TRPV1: variants seen among roughly 807,000 people sequenced by gnomAD.
The protein encoded by TRPV1 is transient receptor potential cation channel subfamily V member 1.
Under a neutral mutation model 82.3 loss-of-function variants are expected in TRPV1, and 82 were observed. That is an observed-to-expected ratio of 1.00 (90% CI 0.83 to 1.20). The LOEUF (loss-of-function observed/expected upper bound fraction) is 1.20. TRPV1 is among the 50% of genes most tolerant of loss of function. The pLI is 0.00. For missense variants in TRPV1, 1,067 were observed against 1,096.8 expected, an observed-to-expected ratio of 0.97 and a Z score of 0.38; for synonymous variants, 515 against 467.7, an observed-to-expected ratio of 1.10 and a Z score of -1.30.
chr17:3,571,673 T>C, intron 15 of TRPV1, 34 bp from the exon 16 acceptor site: 1 of 1,535,726 alleles, frequency 6.5e-7, no homozygotes, highest in Non-Finnish European at 8.9e-7. Flanking sequence ...GCCTGAGAGC[T>C]GTGCCCAGCT....
intron 16 of TRPV1, among the ~76,000 whole-genome samples, chr17:3,569,906 GCC>G (rs2074824924): frequency 2.2e-5 from 3 of 134,714 alleles, no homozygotes; most frequent in Non-Finnish European, 3.2e-5. Context: ...GGGGTTAGGG[GCC>G]AGGGGCCAAG....
intron 2 of TRPV1, among the ~76,000 whole-genome samples, chr17:3,603,240 C>T (rs964509715): frequency 2.0e-5 from 3 of 152,176 alleles, no homozygotes; most frequent in Non-Finnish European, 2.9e-5. Context: ...TGGAGGGCAG[C>T]GGTCTGCGAG....
intron 16 of TRPV1, 107 bp from the exon 17 acceptor site, chr17:3,567,094 A>G: frequency 7.8e-7 from 1 of 1,288,798 alleles, no homozygotes. Context: ...ACGATGGCTC[A>G]TGCCTGTAAT....
At position 3,572,179 on chromosome 17, in the gene TRPV1, T is replaced by A; in HGVS notation, c.2174A>T (p.Lys725Met). 6.2e-7 allele frequency: 1 copy of A among 1,613,490 alleles called. No homozygotes were observed. Among genetic ancestry groups the A allele is most frequent in the Non-Finnish European group, 8.5e-7 (1 of 1,179,686 alleles). Residue 725 changes from lysine (K) to methionine (M), a missense_variant, in exon 15 of 17, where the codon AAG (lysine) becomes ATG (methionine). By Grantham distance (95) the Lys-to-Met change is moderately conservative. Transcript: ENST00000572705. ...KCMRKAFRSG[K>M]LLQVGYTPDG... ...AGGTGTGTACCCCACCTGCAGCAGC[T>A]TGCCTGAGCGGAAGGCCTTCCTCAT... is the stretch of plus-strand genomic sequence containing the variant.
In TRPV1 at chr17:3,585,980, C is replaced by T. The variant is rs543862451; in HGVS notation, c.1225-54G>A. ...CCTCCTGCAGCAGGAACTCCTCGCA[C>T]GCCCACACCAGCCCGTGGTGCCCCT... On this transcript the variant is annotated intron_variant, in intron 8 of 16. Transcript: ENST00000572705. 60 of 1,603,466 alleles carry T rather than the reference C, an allele frequency of 3.7e-5. No homozygotes were observed. In the Admixed American group the frequency reaches 4.9e-4, roughly 13 times the overall value.
At position 3,584,264 on chromosome 17, in the gene TRPV1, A is replaced by G. The variant is rs2075055533; in HGVS notation, c.1384-834T>C. Among the ~76,000 whole-genome samples, 3 of 151,410 alleles carry G rather than the reference A, an allele frequency of 2.0e-5. No individual in the cohort carries two copies. In the South Asian group the frequency reaches 6.3e-4, roughly 32 times the overall value. On this transcript the variant is annotated intron_variant, in intron 9 of 16. Coordinates refer to ENST00000572705, the MANE Select transcript of TRPV1 (RefSeq NM_080704.4). ...GGGCAACAGAGCGAGACTCTGTCTC[A>G]AAAAACAAAAAACAAAAAACAAAAA...
intron 15 of TRPV1, 150 bp downstream of exon 15, chr17:3,571,972 G>A: frequency 9.6e-7 from 1 of 1,039,860 alleles, no homozygotes; most frequent in Admixed American, 2.6e-5. Context: ...CCACAGCTGA[G>A]CTCAGGACGG....
At position 3,585,744 on chromosome 17, in the gene TRPV1, C is replaced by T. The variant is rs535065360; in HGVS notation, c.1383+24G>A. 59 of 1,606,682 alleles carry T rather than the reference C, an allele frequency of 3.7e-5. No homozygotes were observed. In the East Asian group the frequency reaches 8.5e-4, roughly 23 times the overall value. On this transcript the variant is annotated intron_variant, in intron 9 of 16. Coordinates refer to ENST00000572705, the MANE Select transcript of TRPV1 (RefSeq NM_080704.4). ...TCCCCACCACCCACACCCTCGCCCA[C>T]GAGGCCTGAGCCTCTGGCCGCACCA...
intron 13 of TRPV1, among the ~76,000 whole-genome samples, chr17:3,576,482 C>T (rs1187069960): frequency 6.6e-6 from 1 of 151,448 alleles, no homozygotes. Flanking sequence ...GAAACCCCAT[C>T]TCTACTAAAA....
chr17:3,578,605 G>C (rs2074965184), intron 11 of TRPV1: 3 of 152,236 alleles, frequency 2.0e-5, no homozygotes, highest in Admixed American at 2.0e-4. Context: ...AGGTAAATCA[G>C]TGTGGTAAAC....
At chr17:3,596,911 G>C (rs1344399363) in intron 2 of TRPV1, 1 of 152,354 alleles carries the variant, frequency 6.6e-6, no homozygotes, top group East Asian at 1.9e-4. Context: ...CAAAGAAAGG[G>C]ACTCACCAGC....
intron 5 of TRPV1, among the ~76,000 whole-genome samples, chr17:3,590,722 C>G (rs983549552): frequency 1.3e-5 from 2 of 152,040 alleles, no homozygotes; most frequent in South Asian, 2.1e-4. Flanking sequence ...CAGGGGGAGG[C>G]AGGGACTTCT....
At chr17:3,584,611 T>C (rs2075062081) in intron 9 of TRPV1, among the ~76,000 whole-genome samples, 1 of 151,648 alleles carries the variant, frequency 6.6e-6, no homozygotes, top group African/African-American at 2.4e-5. Flanking sequence ...GCCTGGCCAA[T>C]ACGGTGAAAT....
rs182422021 is a variant in TRPV1, at chr17:3,573,681, C to A, written c.2055G>T (p.Glu685Asp). 15 of 1,614,044 alleles carry A rather than the reference C, an allele frequency of 9.3e-6. No homozygotes were observed. The highest frequency in any genetic ancestry group is 1.2e-5 in the Non-Finnish European group (14 of 1,180,012). ...LLNMLIALMGETVNKIAQESK... is the reference protein window; with the variant it reads ...LLNMLIALMGDTVNKIAQESK... ...TCTCCTGTGCGATCTTGTTGACAGT[C>A]TCACCCATGAGGGCGATGAGCATGT... Residue 685 changes from glutamate to aspartate, a missense_variant, in exon 14 of 17, where the codon GAG becomes GAT. Coordinates refer to ENST00000572705, the MANE Select transcript of TRPV1 (RefSeq NM_080704.4).
At chr17:3,584,520 G>C (rs948626237) in intron 9 of TRPV1, among the ~76,000 whole-genome samples, 1 of 152,014 alleles carries the variant, frequency 6.6e-6, no homozygotes, top group Non-Finnish European at 1.5e-5. Flanking sequence ...TGTGCAGCCG[G>C]GCACGGTGGC....
intron 9 of TRPV1, 128 bp downstream of exon 9, chr17:3,585,640 G>A (rs1285043446): frequency 7.7e-6 from 9 of 1,161,812 alleles, no homozygotes; most frequent in Admixed American, 7.4e-5. Flanking sequence ...TCCATCCATC[G>A]CTCCCGCAAG....
At chr17:3,578,025 C>G (rs148712742) in intron 11 of TRPV1, 3 of 333,112 alleles carry the variant, frequency 9.0e-6, no homozygotes, top group Non-Finnish European at 1.7e-5. Flanking sequence ...TACCTAAAGG[C>G]CAGGCGCAGT....
intron 14 of TRPV1, 22 bp downstream of exon 14, chr17:3,573,610 AC>A (rs752517924): frequency 2.3e-6 from 3 of 1,311,194 alleles, no homozygotes. Flanking sequence ...GCCACTCACC[AC>A]CCCCCAACTC....
At chr17:3,592,560 G>A (rs2075173064) in intron 2 of TRPV1, 177 bp from the exon 3 acceptor site, 1 of 662,164 alleles carries the variant, frequency 1.5e-6, no homozygotes, top group South Asian at 2.0e-5. Context: ...TCACCCCAGA[G>A]GCCTCAGAGG....
Sources: gnomAD v4.1 joint callset for allele counts (sites outside exome capture counted in the v4.1 genomes callset) on GRCh38, gnomAD v4.1.1 for gene constraint, MANE v1.5 for transcripts, NCBI Gene and HGNC (gene_info 2026-07-23, HGNC 2026-07-21) for gene names.